The following RINL variants were observed in gnomAD, a reference collection of about 807,000 sequenced individuals.
RINL encodes ras and Rab interactor-like protein.
Under a neutral mutation model 58.1 loss-of-function variants are expected in RINL, and 39 were observed. That is an observed-to-expected ratio of 0.67 (90% CI 0.52 to 0.88). The LOEUF (loss-of-function observed/expected upper bound fraction) is 0.88, where lower values mean the gene tolerates loss of function less well. RINL is among the 40% of genes least tolerant of loss of function. RINL has a pLI of 0.00. For synonymous variants in RINL, 286 were observed against 323.1 expected, an observed-to-expected ratio of 0.89 and a Z score of 1.23; for missense variants, 711 against 749.2, an observed-to-expected ratio of 0.95 and a Z score of 0.60.
intron 3 of RINL, among the ~76,000 whole-genome samples, chr19:38,874,807 G>T (rs1184218644): frequency 6.6e-6 from 1 of 152,196 alleles, no homozygotes; most frequent in Non-Finnish European, 1.5e-5. Context: ...GTGGTTCTTA[G>T]CTCTGGCTGT....
rs1308476353 is a variant in RINL at position 38,870,786 on chromosome 19, G to T, written c.808C>A (p.Arg270=). 1 of 1,612,642 alleles carries T rather than the reference G, an allele frequency of 6.2e-7. No homozygotes were observed. Among genetic ancestry groups the T allele is most frequent in the Admixed American group, 1.7e-5 (1 of 60,012 alleles). ...TIHVQSLVRA[R]SSYVARQYRS... ...TACTGCCTGGCCACGTAGCTGCTCC[G>T]GGCCCTGACCAGAGACTGGACGTGA... Residue 270 remains arginine (R), a synonymous_variant, in exon 8 of 12, where the codon CGG becomes AGG. Coordinates refer to ENST00000591812, the MANE Select transcript of RINL (RefSeq NM_001195833.2). This position sits in a 1 kb window ranked among gnomAD's most constrained non-coding sequence, Gnocchi z 5.8.
intron 7 of RINL, 21 bp downstream of exon 7, chr19:38,871,057 C>A: frequency 6.3e-7 from 1 of 1,583,062 alleles, no homozygotes; most frequent in Non-Finnish European, 8.6e-7. Context: ...CTTCAGAGGC[C>A]CAGGGCCCCG....
At chr19:38,874,289 T>C (rs1485541309) in intron 3 of RINL, among the ~76,000 whole-genome samples, 2 of 150,020 alleles carry the variant, frequency 1.3e-5, no homozygotes, top group Non-Finnish European at 3.0e-5. Context: ...TTTTTTTTTT[T>C]TGAGACGGAG....
chr19:38,877,130 G>T (rs1383174249), intron 1 of RINL, among the ~76,000 whole-genome samples: 2 of 152,130 alleles, frequency 1.3e-5, no homozygotes, highest in Non-Finnish European at 2.9e-5. Flanking sequence ...ACCCAGGCTG[G>T]TCTCAAACTC....
At chr19:38,871,597 C>G in intron 6 of RINL, 50 bp downstream of exon 6, 1 of 1,551,740 alleles carries the variant, frequency 6.4e-7, no homozygotes, top group Non-Finnish European at 8.9e-7. Context: ...TCCCTTGGAG[C>G]AAGGAAATTG....
rs775566150 is a variant in RINL at position 38,870,946 on chromosome 19, C to T, written c.648G>A (p.Pro216=). 5.6e-6 allele frequency: 9 copies of T among 1,605,118 alleles called. No individual in the cohort carries two copies. The highest frequency in any genetic ancestry group is 1.1e-5 in the South Asian group (1 of 90,964). Residue 216 remains proline, a synonymous_variant, in exon 8 of 12, where the codon CCG becomes CCA. Transcript: ENST00000591812. The surrounding 1 kb of genome is among the most constrained non-coding windows in gnomAD (Gnocchi z 5.8). ...APHGVSWVKG[P]LSPEVDHPGP... ...CAGGATGGTCCACTTCCGGGCTGAG[C>T]GGGCCTTTCACCCAGGAGACCCCGT...
At chr19:38,877,827 C>T (rs1439570180) in intron 1 of RINL, among the ~76,000 whole-genome samples, 2 of 149,902 alleles carry the variant, frequency 1.3e-5, no homozygotes, top group African/African-American at 4.9e-5. Flanking sequence ...TTCCATCCAT[C>T]CAGTATTTAC....
At chr19:38,873,857 G>A (rs1358895301) in intron 4 of RINL, 29 bp downstream of exon 4, 6 of 1,341,690 alleles carry the variant, frequency 4.5e-6, no homozygotes, top group African/African-American at 2.9e-5. Flanking sequence ...AATTGACTGT[G>A]GGCTGGAACC....
rs753420925 is a variant in RINL, at chr19:38,869,459, G to GC, written c.1475-50dup. 1 of 1,572,788 alleles carries GC rather than the reference G, an allele frequency of 6.4e-7. No homozygotes were observed. Among genetic ancestry groups the GC allele is most frequent in the South Asian group, 1.2e-5 (1 of 85,816 alleles). On this transcript the variant is annotated intron_variant, in intron 10 of 11. Coordinates refer to ENST00000591812, the MANE Select transcript of RINL (RefSeq NM_001195833.2). This position sits in a 1 kb window ranked among gnomAD's most constrained non-coding sequence, Gnocchi z 5.7. ...CTCCGCCCTCTCGGCTTCCCTGGTC[G>GC]CCCCAAATCCCCCTGCAGTTTGCCT...
At chr19:38,876,309 GC>G (rs1262872290) in intron 3 of RINL, 21 bp downstream of exon 3, 2 of 1,530,202 alleles carry the variant, frequency 1.3e-6, no homozygotes, top group Non-Finnish European at 1.7e-6. Context: ...GTCAGGATGG[GC>G]CCCCAGCTGT....
intron 1 of RINL, among the ~76,000 whole-genome samples, chr19:38,877,403 G>T (rs1972958320): frequency 6.6e-6 from 1 of 152,180 alleles, no homozygotes; most frequent in Non-Finnish European, 1.5e-5. Flanking sequence ...GCAAAACCCA[G>T]TCAGCGCCTG....
chr19:38,870,977 G>A lies in RINL; in HGVS notation c.617C>T (p.Ala206Val), dbSNP rs952042274. Residue 206 changes from alanine to valine, a missense_variant, in exon 8 of 12, where the codon GCG becomes GTG. By Grantham distance (64) the Ala-to-Val change is moderately conservative (BLOSUM62 0). Transcript: ENST00000591812. This position sits in a 1 kb window ranked among gnomAD's most constrained non-coding sequence, Gnocchi z 5.8. ...QRHDPAPRNP[A>V]PHGVSWVKGP... The stretch of plus-strand genomic sequence containing the variant: ...TTTCACCCAGGAGACCCCGTGAGGC[G>A]CAGGGTTCCTGGGGGCTGGAAGTGA... The A allele has an allele frequency of 6.2e-7, 1 of 1,601,600 alleles. No homozygotes were observed.
rs1174602083 is a variant in RINL at position 38,876,369 on chromosome 19, G to A, written c.172C>T (p.Gln58Ter). The change falls in exon 3 of 12, where the codon CAG (glutamine) becomes TAG (stop). Residue 58 changes from glutamine (Q) to a stop codon, truncating the protein, a stop_gained. Transcript: ENST00000591812. LOFTEE classifies it high-confidence loss of function. ...GVWHVPELDT[Q>*]DAEALVGLWP... ...AGCCCCACAAGGGCCTCCGCATCCT[G>A]GGTATCCAGCTCTGGCACATGCCAC... 2 of 1,536,106 alleles carry A rather than the reference G, an allele frequency of 1.3e-6. No homozygotes were observed. Among genetic ancestry groups the A allele is most frequent in the African/African-American group, 1.4e-5 (1 of 73,164 alleles).
Position 38,869,214 on chromosome 19 carries a change from C to T in RINL, c.1638+33G>A, listed in dbSNP as rs1354792785. ...GGTCAGAAGGGCACCAGGTCTCACC[C>T]TCCCTTCTACTTGCAGCCAGATGGG... On this transcript the variant is annotated intron_variant, in intron 11 of 11. Transcript: ENST00000591812. This position sits in a 1 kb window ranked among gnomAD's most constrained non-coding sequence, Gnocchi z 5.7. 3 of 1,614,024 alleles carry T rather than the reference C, an allele frequency of 1.9e-6. No homozygotes were observed. The Admixed American group carries it at 5.0e-5, about 27-fold the overall frequency.
rs2145475772 is a variant in RINL at position 38,870,763 on chromosome 19, C to T, written c.831G>A (p.Gln277=). Reference sequence around the variant, plus strand: ...CGATGCGCACCCGAAGGCTTCGGTACTGCCTGGCCACGTAGCTGCTCCGGG... The same window carrying T: ...CGATGCGCACCCGAAGGCTTCGGTATTGCCTGGCCACGTAGCTGCTCCGGG... ...VRARSSYVAR[Q]YRSLRVRIAS... Residue 277 remains glutamine, a synonymous_variant, in exon 8 of 12, where the codon CAG becomes CAA. Coordinates refer to ENST00000591812, the MANE Select transcript of RINL (RefSeq NM_001195833.2). The surrounding 1 kb of genome is among the most constrained non-coding windows in gnomAD (Gnocchi z 5.8). The T allele has an allele frequency of 6.2e-7, 1 of 1,613,232 alleles. No homozygotes were observed. Among genetic ancestry groups the T allele is most frequent in the Admixed American group, 1.7e-5 (1 of 60,000 alleles).
Position 38,876,750 on chromosome 19 carries a change from T to G in RINL, c.-8A>C, listed in dbSNP as rs1600097523. On this transcript the variant is annotated 5_prime_UTR_variant, in exon 2 of 12. Transcript: ENST00000591812. ...GTCTTCTGGCTGGGCCATCGTCAGG[T>G]TGCAGGAAGCCAGTGAGTCATGACC... The G allele has an allele frequency of 6.5e-7, 1 of 1,536,002 alleles. No homozygotes were observed. The highest frequency in any genetic ancestry group is 8.7e-7 in the Non-Finnish European group (1 of 1,146,802).
At chr19:38,877,238 C>T (rs1265889686) in intron 1 of RINL, among the ~76,000 whole-genome samples, 7 of 152,114 alleles carry the variant, frequency 4.6e-5, no homozygotes, top group Admixed American at 6.6e-5. Context: ...TCTTTAGTAC[C>T]GGATGGTGGG....
In RINL at chr19:38,876,771, T is replaced by C; in HGVS notation, c.-29A>G. On this transcript the variant is annotated 5_prime_UTR_variant, in exon 2 of 12. It removes an upstream start codon present in the reference 5' UTR. Coordinates refer to ENST00000591812, the MANE Select transcript of RINL (RefSeq NM_001195833.2). ...CAGGTTGCAGGAAGCCAGTGAGTCA[T>C]GACCTGGCCTCTGGCAGGGAGAAAG... is the stretch of plus-strand genomic sequence containing the variant. The C allele has an allele frequency of 6.5e-7, 1 of 1,530,716 alleles. No individual in the cohort carries two copies. Among genetic ancestry groups the C allele is most frequent in the Non-Finnish European group, 8.8e-7 (1 of 1,141,996 alleles). The allele number at this position is 1,530,716 out of a possible 1,614,324, so 94.8% of individuals were successfully genotyped here. A position where few individuals can be genotyped will look rare whatever the true frequency, so the allele number is the denominator to read the frequency against.
rs768327473 is a variant in RINL, at chr19:38,870,011, C to T, written c.1274G>A (p.Arg425His). Residue 425 changes from arginine (R) to histidine (H), a missense_variant, in exon 9 of 12, where the codon CGC (arginine) becomes CAC (histidine). Physicochemically the swap from Arg to His is conservative, Grantham distance 29. Transcript: ENST00000591812. This position sits in a 1 kb window ranked among gnomAD's most constrained non-coding sequence, Gnocchi z 5.8. Reference sequence around the variant, plus strand: ...CACCTCCAAGAGGAGCGCCACCTTGCGGCGCGGGGCGCAGGCAGCGTGGAG... The same window carrying T: ...CACCTCCAAGAGGAGCGCCACCTTGTGGCGCGGGGCGCAGGCAGCGTGGAG... ...AHLHAACAPRRKVALLLEVCR... is the reference protein window; with the variant it reads ...AHLHAACAPRHKVALLLEVCR... The T allele has an allele frequency of 6.3e-7, 1 of 1,580,832 alleles. No individual in the cohort carries two copies.
Sources: allele counts gnomAD v4.1 joint callset (sites outside exome capture counted in the v4.1 genomes callset), GRCh38; gene constraint gnomAD v4.1.1; non-coding constraint Gnocchi (gnomAD v3.1); transcripts MANE v1.5; gene names NCBI Gene and HGNC (gene_info 2026-07-23, HGNC 2026-07-21).